The following TOPAZ1 variants were observed in gnomAD, a reference collection of about 807,000 sequenced individuals.
TOPAZ1 encodes the protein protein TOPAZ1.
A neutral mutation model predicts 172.2 loss-of-function variants in TOPAZ1; 66 were observed. The observed-to-expected ratio is 0.38, with a 90% CI of 0.31 to 0.47. The LOEUF (loss-of-function observed/expected upper bound fraction) is 0.47, where lower values mean the gene tolerates loss of function less well. Among genes scored for constraint, TOPAZ1 ranks in the 20% least tolerant of loss-of-function variants. TOPAZ1 has a pLI of 0.99. For missense variants in TOPAZ1, 1,822 were observed against 1,972.4 expected (o/e 0.92, Z 1.44); for synonymous variants, 681 against 683.9 (o/e 1.00, Z 0.07).
rs924858554 is a variant in TOPAZ1, at chr3:44,328,277, C to G, written c.4703C>G (p.Pro1568Arg). Residue 1568 changes from proline to arginine, a missense_variant, in exon 19 of 20, where the codon CCA becomes CGA. By Grantham distance (103) the Pro-to-Arg change is moderately radical. Around this residue, in one of 2 missense-constraint regions of TOPAZ1, gnomAD observed 333 missense variants for 481.7 expected, o/e 0.69. Coordinates refer to ENST00000309765, the MANE Select transcript of TOPAZ1 (RefSeq NM_001145030.2). Reference protein sequence around the residue: ...KSALSLGCYPPLEGNLYRKLL... With the variant: ...KSALSLGCYPRLEGNLYRKLL... ...GCTCTTTCCTTGGGTTGCTACCCACCATTGGAAGGAAATTTATACCGAAAA... is the reference window on the plus strand; with the variant it reads ...GCTCTTTCCTTGGGTTGCTACCCACGATTGGAAGGAAATTTATACCGAAAA... The G allele has an allele frequency of 3.3e-6, 5 of 1,508,636 alleles. No homozygotes were observed. The East Asian group carries it at 1.1e-4, about 32-fold the overall frequency. The allele number at this position is 1,508,636 out of a possible 1,614,324, so 93.5% of individuals were successfully genotyped here. A position where few individuals can be genotyped will look rare whatever the true frequency, so the allele number is the denominator to read the frequency against.
chr3:44,295,334 A>G (rs1056711979), intron 12 of TOPAZ1, among the ~76,000 whole-genome samples: 12 of 152,204 alleles, frequency 7.9e-5, no homozygotes, highest in African/African-American at 2.9e-4. Context: ...TGAATAATAT[A>G]GTATATTCAC....
intron 12 of TOPAZ1, among the ~76,000 whole-genome samples, chr3:44,295,521 G>A (rs1700185464): frequency 6.6e-6 from 1 of 152,098 alleles, no homozygotes. Flanking sequence ...AACTTTCATT[G>A]TAAGGATATA....
downstream of TOPAZ1, chr3:44,332,134 A>T: frequency 1.5e-6 from 1 of 655,352 alleles, no homozygotes; most frequent in Non-Finnish European, 2.5e-6. Flanking sequence ...ACAGCAAGTT[A>T]ATAGTTTTAA....
chr3:44,267,034 T>C lies in TOPAZ1; in HGVS notation c.3058T>C (p.Cys1020Arg). The change falls in exon 6 of 20, where the codon TGT becomes CGT. Residue 1020 changes from cysteine (C) to arginine (R), a missense_variant. Cys to Arg is a radical substitution (Grantham distance 180, BLOSUM62 -3). Coordinates refer to ENST00000309765, the MANE Select transcript of TOPAZ1 (RefSeq NM_001145030.2). Reference sequence around the variant, plus strand: ...AAATGCAGACTTTATGGTCGGCGAATGTCAATTTGCAGTACCAGTCCCGAA... The same window carrying C: ...AAATGCAGACTTTATGGTCGGCGAACGTCAATTTGCAGTACCAGTCCCGAA... ...SRNADFMVGECQFAVPVPKPL... is the reference protein window; with the variant it reads ...SRNADFMVGERQFAVPVPKPL... 1.9e-6 allele frequency: 3 copies of C among 1,547,658 alleles called. No homozygotes were observed. The highest frequency in any genetic ancestry group is 2.5e-5 in the East Asian group (1 of 40,774).
chr3:44,282,666 C>G (rs1397149394), intron 9 of TOPAZ1, among the ~76,000 whole-genome samples: 2 of 152,108 alleles, frequency 1.3e-5, no homozygotes, highest in Non-Finnish European at 2.9e-5. Context: ...AGATAGACAC[C>G]ATGCTTAATT....
At chr3:44,257,191 A>G (rs1421542313) in intron 4 of TOPAZ1, among the ~76,000 whole-genome samples, 1 of 151,492 alleles carries the variant, frequency 6.6e-6, no homozygotes, top group East Asian at 1.9e-4. Flanking sequence ...TTTAATTAGC[A>G]AGGCGTGCTG....
chr3:44,318,758 GA>G (rs924211166), intron 16 of TOPAZ1, among the ~76,000 whole-genome samples: 29 of 140,374 alleles, frequency 2.1e-4, no homozygotes, highest in African/African-American at 4.2e-4. Flanking sequence ...CCATTCCTCG[GA>G]AAAAAAAAAT....
At chr3:44,245,382 C>T in intron 2 of TOPAZ1, 111 bp downstream of exon 2, 1 of 1,138,300 alleles carries the variant, frequency 8.8e-7, no homozygotes, top group Non-Finnish European at 1.2e-6. Flanking sequence ...ATTTTTTAAC[C>T]CAATTATTTA....
chr3:44,261,125 T>C (rs1302710882), intron 4 of TOPAZ1, among the ~76,000 whole-genome samples: 1 of 152,184 alleles, frequency 6.6e-6, no homozygotes, highest in African/African-American at 2.4e-5. Flanking sequence ...ACTCACATTG[T>C]AGTTTTTTTA....
intron 8 of TOPAZ1, among the ~76,000 whole-genome samples, chr3:44,273,625 C>G (rs1477851583): frequency 6.6e-6 from 1 of 152,086 alleles, no homozygotes; most frequent in Admixed American, 6.6e-5. Flanking sequence ...GATGTACCAC[C>G]CCCCATGCTC....
chr3:44,244,846 C>T lies in TOPAZ1; in HGVS notation c.2340C>T (p.Ser780=), dbSNP rs913586833. 6.4e-7 allele frequency: 1 copy of T among 1,551,540 alleles called. No homozygotes were observed. The highest frequency in any genetic ancestry group is 1.4e-5 in the African/African-American group (1 of 73,026). ...SPSFTKQGNN[S]KPSNHVSEPG... is the part of the protein sequence containing the mutation. Reference sequence around the variant, plus strand: ...GCTTTACAAAGCAAGGTAACAATAGCAAACCATCTAATCACGTCTCTGAAC... The same window carrying T: ...GCTTTACAAAGCAAGGTAACAATAGTAAACCATCTAATCACGTCTCTGAAC... The change falls in exon 2 of 20, where the codon AGC becomes AGT. Residue 780 remains serine (S), a synonymous_variant. Coordinates refer to ENST00000309765, the MANE Select transcript of TOPAZ1 (RefSeq NM_001145030.2).
rs62251339 is a variant in TOPAZ1 at position 44,304,722 on chromosome 3, G to A, written c.3865-425G>A. 3.3e-3 allele frequency among the ~76,000 whole-genome samples: 506 copies of A among 152,274 alleles called. 2 individuals carry two copies. The highest frequency in any genetic ancestry group is 4.3e-3 in the Non-Finnish European group (295 of 68,028). On this transcript the variant is annotated intron_variant, in intron 13 of 19. Transcript: ENST00000309765. ...TAGAACGTAGTGTCCAAAACGATAT[G>A]TGGGCCCAAATTATAAATGGCCAGA... is the stretch of plus-strand genomic sequence containing the variant.
At chr3:44,320,803 A>C (rs1700499528) in intron 16 of TOPAZ1, among the ~76,000 whole-genome samples, 2 of 152,302 alleles carry the variant, frequency 1.3e-5, no homozygotes, top group East Asian at 3.9e-4. Flanking sequence ...GAATTAATTA[A>C]AAATAAATAT....
chr3:44,281,930 T>TA (rs1336723344), intron 8 of TOPAZ1, 38 bp from the exon 9 acceptor site: 3 of 1,319,268 alleles, frequency 2.3e-6, no homozygotes, highest in African/African-American at 3.0e-5. Flanking sequence ...ACAGAATATT[T>TA]AAAAAAGGTA....
At chr3:44,258,659 T>C (rs1699742277) in intron 4 of TOPAZ1, among the ~76,000 whole-genome samples, 1 of 152,218 alleles carries the variant, frequency 6.6e-6, no homozygotes, top group Non-Finnish European at 1.5e-5. Flanking sequence ...TCATTTTTAC[T>C]GTTTGGTAAT....
intron 17 of TOPAZ1, among the ~76,000 whole-genome samples, 186 bp from the exon 18 acceptor site, chr3:44,322,904 TGA>T (rs1700557042): frequency 6.6e-6 from 1 of 151,842 alleles, no homozygotes; most frequent in African/African-American, 2.4e-5. Flanking sequence ...GCTGACAGAG[TGA>T]GACCCTGTCT....
Position 44,242,031 on chromosome 3 carries a change from C to A in TOPAZ1, c.-23C>A. 4 of 1,536,800 alleles carry A rather than the reference C, an allele frequency of 2.6e-6. No individual in the cohort carries two copies. In the South Asian group the frequency reaches 4.8e-5, roughly 18 times the overall value. ...TCCTGCGAGCTGGTGCAGAGGGGCC[C>A]CAGCGGGCCGGCCCCGGGGCACATG... On this transcript the variant is annotated 5_prime_UTR_variant, in exon 1 of 20. Coordinates refer to ENST00000309765, the MANE Select transcript of TOPAZ1 (RefSeq NM_001145030.2).
At chr3:44,284,644 A>G (rs1700058609) in intron 9 of TOPAZ1, among the ~76,000 whole-genome samples, 1 of 152,190 alleles carries the variant, frequency 6.6e-6, no homozygotes, top group South Asian at 2.1e-4. Context: ...TAAGAGTAAA[A>G]CTATAGGTCC....
At chr3:44,278,843 A>ATAAGATCAGC (rs1699992818) in intron 8 of TOPAZ1, among the ~76,000 whole-genome samples, 1 of 129,912 alleles carries the variant, frequency 7.7e-6, no homozygotes, top group Non-Finnish European at 1.7e-5. Flanking sequence ...TTTCAGCCCC[A>ATAAGATCAGC]CTCTGATCTT....
Sources: allele counts gnomAD v4.1 joint callset (sites outside exome capture counted in the v4.1 genomes callset), GRCh38; gene constraint gnomAD v4.1.1; regional missense constraint gnomAD v4.1.1; transcripts MANE v1.5; gene names NCBI Gene and HGNC (gene_info 2026-07-23, HGNC 2026-07-21).